CSNK2A2: variants seen among roughly 807,000 people sequenced by gnomAD.
The protein encoded by CSNK2A2 is casein kinase II subunit alpha'.
A neutral mutation model predicts 54.0 loss-of-function variants in CSNK2A2; 8 were observed. That is an observed-to-expected ratio of 0.15 (90% CI 0.09 to 0.27). CSNK2A2 has a LOEUF of 0.27. CSNK2A2 is among the 10% of genes least tolerant of loss of function. CSNK2A2 has a pLI of 1.00. For synonymous variants in CSNK2A2, 141 were observed against 153.9 expected (o/e 0.92, Z 0.62); for missense variants, 242 against 439.4 (o/e 0.55, Z 4.02).
At position 58,186,815 on chromosome 16, in the gene CSNK2A2, C is replaced by T; in HGVS notation, c.258G>A (p.Leu86=). ...TATTTGTTCCACCACGAAGGTTCTC[C>T]AGAATCTTAACCTCTCGTTTTATCT... ...KKKIKREVKI[L]ENLRGGTNII... The change falls in exon 3 of 12, where the codon CTG becomes CTA. Residue 86 remains leucine, a synonymous_variant. Coordinates refer to ENST00000262506, the MANE Select transcript of CSNK2A2 (RefSeq NM_001896.4). The T allele has an allele frequency of 6.2e-7, 1 of 1,614,136 alleles. No homozygotes were observed. Among genetic ancestry groups the T allele is most frequent in the Non-Finnish European group, 8.5e-7 (1 of 1,179,990 alleles).
intron 9 of CSNK2A2, among the ~76,000 whole-genome samples, chr16:58,166,210 G>A (rs576196117): frequency 3.3e-5 from 5 of 152,234 alleles, no homozygotes; most frequent in Admixed American, 3.3e-4. Context: ...GAAATTGTAA[G>A]TCCACCTTGA....
chr16:58,175,035 G>A (rs953643836), intron 4 of CSNK2A2, among the ~76,000 whole-genome samples: 4 of 152,158 alleles, frequency 2.6e-5, no homozygotes, highest in African/African-American at 7.2e-5. Flanking sequence ...CAGATGGCAA[G>A]AGCTTACAAA....
At chr16:58,177,296 C>A (rs1961908098) in intron 4 of CSNK2A2, among the ~76,000 whole-genome samples, 1 of 152,232 alleles carries the variant, frequency 6.6e-6, no homozygotes, top group Non-Finnish European at 1.5e-5. Context: ...CACTTTCTCT[C>A]CCTTCTTCTT....
chr16:58,162,795 AG>A (rs1206462431), intron 11 of CSNK2A2: 1 of 152,102 alleles, frequency 6.6e-6, no homozygotes, highest in Non-Finnish European at 1.5e-5. Context: ...AACAAACTCT[AG>A]CTTTCTCTGC....
rs1165720451 is a variant in CSNK2A2, at chr16:58,167,804, A to G, written c.514-9T>C. 2 of 1,609,478 alleles carry G rather than the reference A, an allele frequency of 1.2e-6. No homozygotes were observed. The highest frequency in any genetic ancestry group is 2.7e-5 in the African/African-American group (2 of 74,848). On this transcript the variant is annotated splice_polypyrimidine_tract_variant and intron_variant, in intron 6 of 11. Coordinates refer to ENST00000262506, the MANE Select transcript of CSNK2A2 (RefSeq NM_001896.4). Reference sequence around the variant, plus strand: ...CAATCTATCAGTCGCAGCTACAAATAGGACAGAAAAAAACATGTGAAAGGA... The same window carrying G: ...CAATCTATCAGTCGCAGCTACAAATGGGACAGAAAAAAACATGTGAAAGGA...
chr16:58,183,099 C>A (rs1016010318), intron 4 of CSNK2A2, among the ~76,000 whole-genome samples: 2 of 152,068 alleles, frequency 1.3e-5, no homozygotes, highest in Admixed American at 6.6e-5. Flanking sequence ...GTGGCTCACA[C>A]CTATAATCCC....
At chr16:58,163,578 A>AT (rs1192863781) in intron 11 of CSNK2A2, 2 of 152,240 alleles carry the variant, frequency 1.3e-5, no homozygotes, top group South Asian at 2.1e-4. Flanking sequence ...TTAAAAAAAA[A>AT]ATACTGTCAC....
At chr16:58,196,680 A>G (rs1489260758) in intron 2 of CSNK2A2, 53 bp downstream of exon 2, 4 of 1,126,130 alleles carry the variant, frequency 3.6e-6, no homozygotes, top group Non-Finnish European at 5.4e-6. Flanking sequence ...GTACCTTACA[A>G]ACTTTTGCCC....
In CSNK2A2 at chr16:58,196,594, G is replaced by C. The variant is rs1457860715; in HGVS notation, c.216+139C>G. The C allele has an allele frequency of 9.0e-6, 6 of 664,176 alleles. No homozygotes were observed. In the East Asian group the frequency reaches 1.1e-4, roughly 12 times the overall value. 41.1% of individuals were successfully genotyped at this position (664,176 alleles called of 1,614,324 possible). ...GATCTGCACTCCAGCCTGGGTGACA[G>C]AGTGAGACTCTGACTCTAAACAAAT... On this transcript the variant is annotated intron_variant, in intron 2 of 11. Transcript: ENST00000262506.
intron 4 of CSNK2A2, among the ~76,000 whole-genome samples, chr16:58,176,386 A>G (rs1414743902): frequency 6.6e-6 from 1 of 152,192 alleles, no homozygotes; most frequent in African/African-American, 2.4e-5. Context: ...AAAACCATTA[A>G]CAATTTAATT....
rs1962478092 is a variant in CSNK2A2, at chr16:58,197,160, G to A, written c.105-316C>T. The A allele has an allele frequency of 2.8e-6, 1 of 351,856 alleles. No homozygotes were observed. The highest frequency in any genetic ancestry group is 5.3e-6 in the Non-Finnish European group (1 of 187,612). 21.8% of individuals were successfully genotyped at this position (351,856 alleles called of 1,614,324 possible). A position where few individuals can be genotyped will look rare whatever the true frequency, so the allele number is the denominator to read the frequency against. On this transcript the variant is annotated intron_variant, in intron 1 of 11. Coordinates refer to ENST00000262506, the MANE Select transcript of CSNK2A2 (RefSeq NM_001896.4). The surrounding 1 kb of genome is among the most constrained non-coding windows in gnomAD (Gnocchi z 4.0). ...GCCCCCTGTGCCCCGCGGCTCCCCA[G>A]CACCTGCTTCTCGTTTCACATCTTC...
At position 58,186,744 on chromosome 16, in the gene CSNK2A2, T is replaced by C. The variant is rs1272498026; in HGVS notation, c.318+11A>G. The C allele has an allele frequency of 1.2e-6, 2 of 1,609,454 alleles. No homozygotes were observed. Among genetic ancestry groups the C allele is most frequent in the Admixed American group, 1.7e-5 (1 of 59,890 alleles). The stretch of plus-strand genomic sequence containing the variant: ...TCTACTAGTATACTCCCCCAACCAT[T>C]TGGCACCTACCACGGGGTCCTTTAC... On this transcript the variant is annotated intron_variant, in intron 3 of 11. Coordinates refer to ENST00000262506, the MANE Select transcript of CSNK2A2 (RefSeq NM_001896.4).
At chr16:58,194,708 AT>A (rs1277085759) in intron 2 of CSNK2A2, among the ~76,000 whole-genome samples, 4 of 152,254 alleles carry the variant, frequency 2.6e-5, no homozygotes, top group Non-Finnish European at 5.9e-5. Context: ...GTCATTCAAC[AT>A]AATGACATTA....
rs1962525421 is a variant in CSNK2A2, at chr16:58,198,079, C to A, written c.-343G>T. ...CCACCGGCCGGGAAAGGGGCAGCGG[C>A]GGCGGCAGCGGAGAAGAAGGAGGAG... On this transcript the variant is annotated 5_prime_UTR_variant, in exon 1 of 12. Transcript: ENST00000262506. 6.9e-6 allele frequency among the ~76,000 whole-genome samples: 1 copy of A among 145,958 alleles called. No individual in the cohort carries two copies. Among genetic ancestry groups the A allele is most frequent in the East Asian group, 2.0e-4 (1 of 5,018 alleles).
chr16:58,179,771 A>G (rs919656928), intron 4 of CSNK2A2, among the ~76,000 whole-genome samples: 1 of 152,122 alleles, frequency 6.6e-6, no homozygotes, highest in Non-Finnish European at 1.5e-5. Context: ...ACTTAAGCAC[A>G]TGTATTGTCA....
intron 2 of CSNK2A2, among the ~76,000 whole-genome samples, chr16:58,192,242 T>C (rs1361823744): frequency 6.6e-6 from 1 of 152,168 alleles, no homozygotes. Context: ...ACCCTGATGA[T>C]GAGATGGTAG....
intron 11 of CSNK2A2, chr16:58,162,240 G>A (rs1211057286): frequency 1.3e-5 from 2 of 152,202 alleles, no homozygotes; most frequent in African/African-American, 4.8e-5. Context: ...CTCAAACACT[G>A]AGTTTTGCTG....
intron 11 of CSNK2A2, chr16:58,161,513 T>C (rs1961358288): frequency 7.3e-6 from 1 of 137,268 alleles, no homozygotes; most frequent in African/African-American, 2.9e-5. Flanking sequence ...TTAGTCTAAA[T>C]ATTAGACACA....
At chr16:58,191,287 C>G (rs2731756) in intron 2 of CSNK2A2, among the ~76,000 whole-genome samples, 1 of 151,954 alleles carries the variant, frequency 6.6e-6, no homozygotes, top group Non-Finnish European at 1.5e-5. Flanking sequence ...TGGAGATGGA[C>G]GGCAGTGATG....
Sources: allele counts gnomAD v4.1 joint callset (sites outside exome capture counted in the v4.1 genomes callset), GRCh38; gene constraint gnomAD v4.1.1; non-coding constraint Gnocchi (gnomAD v3.1); transcripts MANE v1.5; gene names NCBI Gene and HGNC (gene_info 2026-07-23, HGNC 2026-07-21).